PRMT8: variants seen among roughly 807,000 people sequenced by gnomAD.
The protein encoded by PRMT8 is protein arginine N-methyltransferase 8.
In PRMT8, 7 loss-of-function variants were observed where a neutral mutation model predicts 47.1. That is an observed-to-expected ratio of 0.15 (90% CI 0.08 to 0.28). The LOEUF (loss-of-function observed/expected upper bound fraction) is 0.28. Ranked by LOEUF, PRMT8 falls within the 10% of genes least tolerant of loss-of-function variation. The pLI is 1.00. For synonymous variants in PRMT8, 188 were observed against 186.5 expected (o/e 1.01, Z -0.07); for missense variants, 237 against 505.4 (o/e 0.47, Z 5.09).
rs77985827 is a variant in PRMT8 at position 3,468,970 on chromosome 12, C to G, written c.49-71636C>G. 1,575 of 249,190 alleles carry G rather than the reference C, an allele frequency of 6.3e-3. 30 individuals are homozygous for G. The highest frequency in any genetic ancestry group is 0.034 in the African/African-American group (1,474 of 43,450). The allele number at this position is 249,190 out of a possible 1,614,324, so 15.4% of individuals were successfully genotyped here. A position where few individuals can be genotyped will look rare whatever the true frequency, so the allele number is the denominator to read the frequency against. On this transcript the variant is annotated intron_variant, in intron 1 of 9. Transcript: ENST00000452611. Reference sequence around the variant, plus strand: ...CCAAGATGACAAAGAAAAGAAGGAACTAGCGTTATGCCAAAAAGGGCCATG... The same window carrying G: ...CCAAGATGACAAAGAAAAGAAGGAAGTAGCGTTATGCCAAAAAGGGCCATG...
intron 1 of PRMT8, among the ~76,000 whole-genome samples, chr12:3,406,994 G>T (rs1864378713): frequency 6.6e-6 from 1 of 152,198 alleles, no homozygotes; most frequent in Non-Finnish European, 1.5e-5. Context: ...CCAAGACTGG[G>T]TAATTTATAA....
rs570922241 is a variant in PRMT8, at chr12:3,575,651, C to T, written c.713-1220C>T. Among the ~76,000 whole-genome samples the T allele has an allele frequency of 7.2e-5, 11 of 152,364 alleles. No homozygotes were observed. The South Asian group carries it at 2.1e-3, about 29-fold the overall frequency. ...CCAGCCACAGTTTTCTCATCTGCAG[C>T]ATAGCAATATCCTCATGTGGTTGCT... On this transcript the variant is annotated intron_variant, in intron 6 of 9. Coordinates refer to ENST00000382622, the MANE Select transcript of PRMT8 (RefSeq NM_019854.5).
At chr12:3,449,279 A>C (rs960439625) in intron 1 of PRMT8, among the ~76,000 whole-genome samples, 1 of 152,162 alleles carries the variant, frequency 6.6e-6, no homozygotes, top group Non-Finnish European at 1.5e-5. Context: ...GTCAAATGGT[A>C]TTTCTGGTTC....
At chr12:3,384,129 G>A (rs1217079950) in intron 1 of PRMT8, among the ~76,000 whole-genome samples, 1 of 152,144 alleles carries the variant, frequency 6.6e-6, no homozygotes, top group Non-Finnish European at 1.5e-5. Flanking sequence ...GGTAAGAGAG[G>A]ATAGTCTTGC....
chr12:3,486,952 C>G (rs988293189), upstream of PRMT8, among the ~76,000 whole-genome samples: 1 of 152,160 alleles, frequency 6.6e-6, no homozygotes. Flanking sequence ...TGGCACTCAG[C>G]GAGTTGTTCT....
At position 3,519,122 on chromosome 12, in the gene PRMT8, G is replaced by A. The variant is rs540715224; in HGVS notation, c.76-21484G>A. Among the ~76,000 whole-genome samples, 15 of 152,204 alleles carry A rather than the reference G, an allele frequency of 9.9e-5. No individual in the cohort carries two copies. In the South Asian group the frequency reaches 1.9e-3, roughly 19 times the overall value. ...CTTTGTCATTTTGGCAGAACTGTCC[G>A]TCTTTGCAGACGGACAGAGGGGAGC... On this transcript the variant is annotated intron_variant, in intron 1 of 9. Transcript: ENST00000382622.
intron 1 of PRMT8, among the ~76,000 whole-genome samples, chr12:3,392,674 G>A (rs1414752043): frequency 3.3e-5 from 5 of 151,948 alleles, no homozygotes; most frequent in Non-Finnish European, 7.4e-5. Context: ...ATAAACATAC[G>A]TGTGCATGTG....
intron 8 of PRMT8, among the ~76,000 whole-genome samples, chr12:3,584,182 G>T (rs1867124356): frequency 6.6e-6 from 1 of 152,220 alleles, no homozygotes; most frequent in African/African-American, 2.4e-5. Flanking sequence ...CCTTGTAGTT[G>T]TCCACCTTCT....
intron 1 of PRMT8, among the ~76,000 whole-genome samples, chr12:3,519,066 A>G (rs1375261234): frequency 6.6e-6 from 1 of 152,206 alleles, no homozygotes; most frequent in African/African-American, 2.4e-5. Context: ...GCTGGCTGCT[A>G]GAAAGCTGTT....
chr12:3,484,906 G>T (rs943693172), intron 1 of PRMT8, among the ~76,000 whole-genome samples: 5 of 152,166 alleles, frequency 3.3e-5, no homozygotes, highest in Non-Finnish European at 5.9e-5. Flanking sequence ...TGGGGAGTGG[G>T]GAGTGTGGTT....
At chr12:3,559,039 G>A (rs1458747541) in intron 4 of PRMT8, among the ~76,000 whole-genome samples, 1 of 151,184 alleles carries the variant, frequency 6.6e-6, no homozygotes, top group Non-Finnish European at 1.5e-5. Flanking sequence ...CTGTCTATCT[G>A]TCCATCCATC....
intron 7 of PRMT8, among the ~76,000 whole-genome samples, chr12:3,579,479 C>G (rs1249066996): frequency 2.6e-5 from 4 of 152,124 alleles, no homozygotes; most frequent in Non-Finnish European, 5.9e-5. Context: ...GTGTTCCGTA[C>G]ACTCCTTATG....
intron 1 of PRMT8, among the ~76,000 whole-genome samples, chr12:3,388,732 G>GCT (rs10674683): frequency 0.18 from 28,062 of 152,128 alleles, 2,870 homozygotes; most frequent in Middle Eastern, 0.29. Context: ...TAAAGCCTGT[G>GCT]CTCTACCTAC....
At chr12:3,416,477 C>T (rs1222821256) in intron 1 of PRMT8, among the ~76,000 whole-genome samples, 1 of 152,134 alleles carries the variant, frequency 6.6e-6, no homozygotes, top group Non-Finnish European at 1.5e-5. Context: ...TGGCGTGCTC[C>T]CAGACATGGA....
chr12:3,568,028 C>T (rs147922123), intron 4 of PRMT8, among the ~76,000 whole-genome samples: 1,715 of 150,462 alleles, frequency 0.011, 35 homozygotes, highest in African/African-American at 0.038. Context: ...GCAGAGATCA[C>T]GCCACTGCAC....
intron 1 of PRMT8, among the ~76,000 whole-genome samples, chr12:3,382,370 T>G (rs1864100841): frequency 6.6e-6 from 1 of 152,200 alleles, no homozygotes; most frequent in African/African-American, 2.4e-5. Context: ...AGAGGCCCGG[T>G]TTCTCTGCGT....
chr12:3,413,027 T>G (rs1864447562), intron 1 of PRMT8, among the ~76,000 whole-genome samples: 1 of 152,228 alleles, frequency 6.6e-6, no homozygotes, highest in Non-Finnish European at 1.5e-5. Flanking sequence ...CTAAACATTG[T>G]GTCTGAAAAA....
chr12:3,581,035 G>A (rs1565448636), intron 7 of PRMT8, among the ~76,000 whole-genome samples: 1 of 152,206 alleles, frequency 6.6e-6, no homozygotes, highest in Non-Finnish European at 1.5e-5. Context: ...CCCTCCCCTT[G>A]AGGGATGTGG....
intron 1 of PRMT8, among the ~76,000 whole-genome samples, chr12:3,458,988 G>A (rs1865007231): frequency 6.6e-6 from 1 of 152,232 alleles, no homozygotes; most frequent in African/African-American, 2.4e-5. Flanking sequence ...TTCTAGCTGG[G>A]ACATTCTCTT....
Sources: allele counts gnomAD v4.1 joint callset (sites outside exome capture counted in the v4.1 genomes callset), GRCh38; gene constraint gnomAD v4.1.1; transcripts MANE v1.5; gene names NCBI Gene and HGNC (gene_info 2026-07-23, HGNC 2026-07-21).